The following PCDH11X variants were observed in gnomAD, a reference collection of about 807,000 sequenced individuals.
The protein encoded by PCDH11X is protocadherin 11 X-linked, also known as protocadherin-11 X-linked.
In PCDH11X, 18 loss-of-function variants were observed where a neutral mutation model predicts 53.3. The observed-to-expected ratio is 0.34, with a 90% CI of 0.23 to 0.50. The LOEUF (loss-of-function observed/expected upper bound fraction) is 0.50, where lower values mean the gene tolerates loss of function less well. Ranked by LOEUF, PCDH11X falls within the 20% of genes least tolerant of loss-of-function variation. The pLI is 0.98. For synonymous variants in PCDH11X, 279 were observed against 393.3 expected (o/e 0.71, Z 3.44); for missense variants, 570 against 1,032.4 (o/e 0.55, Z 6.14).
intron 6 of PCDH11X, among the ~76,000 whole-genome samples, chrX:92,164,216 C>T (rs1158750849): frequency 2.7e-5 from 3 of 111,605 alleles, no homozygotes; most frequent in Non-Finnish European, 5.6e-5. Flanking sequence ...TGAGCTGATT[C>T]TCTTTTGTTA....
At chrX:92,507,031 A>G (rs1157605856) in intron 10 of PCDH11X, among the ~76,000 whole-genome samples, 2 of 109,847 alleles carry the variant, frequency 1.8e-5, no homozygotes, top group Non-Finnish European at 3.8e-5. Flanking sequence ...GAGGGTTTGT[A>G]TGTCTCTGTG....
chrX:92,399,508 A>C (rs2071335318), intron 9 of PCDH11X, among the ~76,000 whole-genome samples: 1 of 111,762 alleles, frequency 8.9e-6, no homozygotes, highest in African/African-American at 3.3e-5. Context: ...TAAAGCCTCA[A>C]ACACATTGTA....
At chrX:92,035,429 G>GT (rs2063113711) in intron 6 of PCDH11X, among the ~76,000 whole-genome samples, 1 of 108,656 alleles carries the variant, frequency 9.2e-6, no homozygotes, top group South Asian at 4.1e-4. Flanking sequence ...TCTGGTAAAA[G>GT]TTTTTTCCTT....
intron 6 of PCDH11X, among the ~76,000 whole-genome samples, chrX:91,980,012 A>C (rs754866208): frequency 9.2e-6 from 1 of 108,647 alleles, no homozygotes; most frequent in East Asian, 2.9e-4. Context: ...ATGATATCTT[A>C]TCTTTAAATG....
At chrX:92,462,402 C>A (rs1380367995) in intron 9 of PCDH11X, among the ~76,000 whole-genome samples, 2 of 110,944 alleles carry the variant, frequency 1.8e-5, no homozygotes, top group Admixed American at 1.9e-4. Context: ...ACCTAAAGAC[C>A]AGATACACCA....
rs149732693 is a variant in PCDH11X at position 92,451,656 on chromosome X, T to C, written c.3344-16643T>C. 1.8e-3 allele frequency among the ~76,000 whole-genome samples: 200 copies of C among 111,652 alleles called. 2 individuals are homozygous for C. The East Asian group carries it at 0.043, about 24-fold the overall frequency. On this transcript the variant is annotated intron_variant, in intron 9 of 10. Coordinates refer to ENST00000682573, the MANE Select transcript of PCDH11X (RefSeq NM_032968.5). Reference sequence around the variant, plus strand: ...AGACTTTGTTAGGCTGAATGTAACATAAAAAAGACTTCATGATAAGAAAAG... The same window carrying C: ...AGACTTTGTTAGGCTGAATGTAACACAAAAAAGACTTCATGATAAGAAAAG...
chrX:92,149,202 A>G (rs984645994), intron 6 of PCDH11X, among the ~76,000 whole-genome samples: 4 of 109,730 alleles, frequency 3.6e-5, no homozygotes, highest in African/African-American at 1.3e-4. Flanking sequence ...GAGCTCAGTA[A>G]TTATAATTAT....
intron 6 of PCDH11X, among the ~76,000 whole-genome samples, chrX:92,037,837 T>C (rs568356199): frequency 3.6e-5 from 4 of 110,665 alleles, no homozygotes; most frequent in African/African-American, 9.9e-5. Flanking sequence ...GCCACATAAA[T>C]GTCTTCTTCT....
intron 9 of PCDH11X, among the ~76,000 whole-genome samples, chrX:92,403,876 A>T (rs3865930): frequency 0.17 from 18,629 of 110,191 alleles, 2,169 homozygotes; most frequent in East Asian, 0.74. Flanking sequence ...TTGGATCATC[A>T]TTTTCAAAAT....
At chrX:92,415,212 G>A (rs1276366100) in intron 9 of PCDH11X, among the ~76,000 whole-genome samples, 1 of 111,466 alleles carries the variant, frequency 9.0e-6, no homozygotes, top group Non-Finnish European at 1.9e-5. Context: ...AGAGAGTGAT[G>A]TACTTCATCA....
intron 6 of PCDH11X, among the ~76,000 whole-genome samples, chrX:91,908,885 G>A (rs1408429755): frequency 9.3e-6 from 1 of 108,005 alleles, no homozygotes; most frequent in Non-Finnish European, 1.9e-5. Context: ...CTATTCATGG[G>A]AGTATAAATT....
At chrX:92,359,286 T>C (rs1338667663) in intron 8 of PCDH11X, among the ~76,000 whole-genome samples, 2 of 110,257 alleles carry the variant, frequency 1.8e-5, no homozygotes, top group African/African-American at 3.3e-5. Flanking sequence ...TTAAATTTAT[T>C]GATCAGAAGG....
intron 6 of PCDH11X, among the ~76,000 whole-genome samples, chrX:91,942,728 T>C (rs12380953): frequency 0.38 from 40,881 of 108,977 alleles, 5,859 homozygotes; most frequent in East Asian, 0.62. Flanking sequence ...ATTGCCCTGA[T>C]AAAGAAACTA....
chrX:92,535,538 G>A (rs961114263), intron 10 of PCDH11X, among the ~76,000 whole-genome samples: 4 of 111,377 alleles, frequency 3.6e-5, no homozygotes, highest in African/African-American at 1.3e-4. Context: ...AAGGGTGAGA[G>A]GAGGGAGATG....
At chrX:91,799,786 C>A (rs955546757) in intron 1 of PCDH11X, among the ~76,000 whole-genome samples, 6 of 111,820 alleles carry the variant, frequency 5.4e-5, no homozygotes, top group African/African-American at 2.0e-4. Flanking sequence ...GAACTGATAC[C>A]TCATTAAGGT....
chrX:92,435,188 AT>A (rs1342253264), intron 9 of PCDH11X, among the ~76,000 whole-genome samples: 1 of 110,675 alleles, frequency 9.0e-6, no homozygotes, highest in African/African-American at 3.3e-5. Context: ...ATAATCTCAA[AT>A]CTTGAAGACT....
At chrX:92,234,759 T>G (rs1288768336) in intron 7 of PCDH11X, among the ~76,000 whole-genome samples, 1 of 111,326 alleles carries the variant, frequency 9.0e-6, no homozygotes, top group African/African-American at 3.3e-5. Flanking sequence ...TTGGAGACAA[T>G]TGTCATTTTC....
At chrX:92,493,102 G>A (rs1279693377) in intron 10 of PCDH11X, among the ~76,000 whole-genome samples, 2 of 110,971 alleles carry the variant, frequency 1.8e-5, no homozygotes, top group Non-Finnish European at 1.9e-5. Context: ...CATATATTTT[G>A]TAAGTATCTA....
intron 7 of PCDH11X, among the ~76,000 whole-genome samples, chrX:92,202,024 G>A (rs2066399513): frequency 9.0e-6 from 1 of 111,350 alleles, no homozygotes. Flanking sequence ...TTCAGAGCAG[G>A]AATAACAGGA....
Sources: allele counts gnomAD v4.1 joint callset (sites outside exome capture counted in the v4.1 genomes callset), GRCh38; gene constraint gnomAD v4.1.1; transcripts MANE v1.5; gene names NCBI Gene and HGNC (gene_info 2026-07-23, HGNC 2026-07-21).